CSMD3: variants seen among roughly 807,000 people sequenced by gnomAD.
CSMD3 encodes the protein CUB and Sushi multiple domains 3.
In CSMD3, 177 loss-of-function variants were observed where a neutral mutation model predicts 435.2. That is an observed-to-expected ratio of 0.41 (90% CI 0.36 to 0.46). The LOEUF (loss-of-function observed/expected upper bound fraction) is 0.46. CSMD3 is among the 20% of genes least tolerant of loss of function. The pLI, the probability that CSMD3 is intolerant of heterozygous loss-of-function variation, is 0.34. For synonymous variants in CSMD3, 1,656 were observed against 1,520.5 expected, an observed-to-expected ratio of 1.09 and a Z score of -2.07; for missense variants, 4,265 against 4,504.6, an observed-to-expected ratio of 0.95 and a Z score of 1.52.
At chr8:113,072,318 T>C (rs528232206) in intron 5 of CSMD3, among the ~76,000 whole-genome samples, 10 of 151,884 alleles carry the variant, frequency 6.6e-5, no homozygotes, top group African/African-American at 2.2e-4. Flanking sequence ...GTCAAGGACT[T>C]CCAGTACTTT....
chr8:112,275,836 T>C (rs1252494851), intron 59 of CSMD3, among the ~76,000 whole-genome samples: 3 of 152,156 alleles, frequency 2.0e-5, no homozygotes, highest in Non-Finnish European at 4.4e-5. Flanking sequence ...AAAGATGAGA[T>C]TTGGTTGGGG....
chr8:112,389,663 T>G (rs1830253023), intron 36 of CSMD3, among the ~76,000 whole-genome samples: 1 of 152,240 alleles, frequency 6.6e-6, no homozygotes, highest in Non-Finnish European at 1.5e-5. Flanking sequence ...ATTTCATTAT[T>G]AATGCATGGC....
intron 4 of CSMD3, among the ~76,000 whole-genome samples, chr8:113,128,917 T>C (rs2091213125): frequency 6.6e-6 from 1 of 152,142 alleles, no homozygotes; most frequent in Non-Finnish European, 1.5e-5. Context: ...TTGGGTAGTA[T>C]GATACTTTAT....
intron 10 of CSMD3, among the ~76,000 whole-genome samples, chr8:112,861,754 G>T (rs929776613): frequency 6.6e-6 from 1 of 151,862 alleles, no homozygotes; most frequent in Non-Finnish European, 1.5e-5. Context: ...ATAGAAATGA[G>T]AAATTTATAG....
intron 4 of CSMD3, among the ~76,000 whole-genome samples, chr8:113,119,066 A>T (rs2090915693): frequency 6.6e-6 from 1 of 152,212 alleles, no homozygotes; most frequent in South Asian, 2.1e-4. Context: ...CACTTTTAGT[A>T]TAATTTGAAG....
intron 13 of CSMD3, among the ~76,000 whole-genome samples, chr8:112,695,064 C>A (rs200420379): frequency 1.4e-4 from 22 of 152,174 alleles, no homozygotes; most frequent in African/African-American, 5.1e-4. Context: ...CTGTGACAGA[C>A]GGAACCTGGA....
intron 13 of CSMD3, among the ~76,000 whole-genome samples, chr8:112,798,723 T>C (rs1381805870): frequency 2.6e-5 from 4 of 151,906 alleles, no homozygotes; most frequent in Non-Finnish European, 4.4e-5. Flanking sequence ...ATGTTTCTTG[T>C]TCAAGCATTA....
intron 11 of CSMD3, among the ~76,000 whole-genome samples, chr8:112,840,270 G>C (rs1450024500): frequency 7.9e-5 from 12 of 151,770 alleles, no homozygotes; most frequent in African/African-American, 2.9e-4. Flanking sequence ...GGATTTTGTA[G>C]ATTGCTACGG....
rs185181318 is a variant in CSMD3 at position 113,016,137 on chromosome 8, G to A, written c.1030+2930C>T. ...ATTTAAGTAAGAGATTTCTATTATAGGTAAACTAGGAAGGCAAAAGATGTT... is the reference window on the plus strand; with the variant it reads ...ATTTAAGTAAGAGATTTCTATTATAAGTAAACTAGGAAGGCAAAAGATGTT... On this transcript the variant is annotated intron_variant, in intron 6 of 70. Coordinates refer to ENST00000297405, the MANE Select transcript of CSMD3 (RefSeq NM_198123.2). Among the ~76,000 whole-genome samples the A allele has an allele frequency of 4.9e-4, 74 of 151,734 alleles. 1 individual carries two copies. The highest frequency in any genetic ancestry group is 3.7e-3 in the Admixed American group (57 of 15,208).
intron 40 of CSMD3, among the ~76,000 whole-genome samples, chr8:112,350,500 A>T (rs1826038282): frequency 6.6e-6 from 1 of 152,058 alleles, no homozygotes; most frequent in Admixed American, 6.6e-5. Flanking sequence ...AAATTCATTT[A>T]TTTTATTTCT....
At chr8:112,496,764 T>G (rs10107418) in intron 30 of CSMD3, among the ~76,000 whole-genome samples, 48,676 of 151,490 alleles carry the variant, frequency 0.32, 7,910 homozygotes, top group East Asian at 0.49. Flanking sequence ...ACTCATGGAG[T>G]TAGAGGGTAG....
At chr8:112,715,760 C>T (rs1189368009) in intron 13 of CSMD3, among the ~76,000 whole-genome samples, 3 of 152,168 alleles carry the variant, frequency 2.0e-5, no homozygotes, top group African/African-American at 7.2e-5. Flanking sequence ...GAATGCAACG[C>T]TGGTTCAACA....
chr8:112,291,610 C>T lies in CSMD3; in HGVS notation c.8874G>A (p.Val2958=), dbSNP rs1417048558. 19 of 1,610,250 alleles carry T rather than the reference C, an allele frequency of 1.2e-5. No individual in the cohort carries two copies. Among genetic ancestry groups the T allele is most frequent in the Non-Finnish European group, 1.5e-5 (18 of 1,177,058 alleles). ...ATCCAGGATTGCAGTCATAGAATAC[C>T]ACAGTGCCGTAAGTAAAATTTCCAT... is the stretch of plus-strand genomic sequence containing the variant. The part of the protein sequence containing the change: ...IEHGNFTYGT[V]VFYDCNPGYF... Residue 2958 remains valine, a synonymous_variant, in exon 56 of 71, where the codon GTG becomes GTA. Coordinates refer to ENST00000297405, the MANE Select transcript of CSMD3 (RefSeq NM_198123.2).
intron 14 of CSMD3, among the ~76,000 whole-genome samples, chr8:112,689,426 T>G (rs1192262141): frequency 6.6e-6 from 1 of 152,056 alleles, no homozygotes; most frequent in Non-Finnish European, 1.5e-5. Flanking sequence ...TGGCACCTCA[T>G]GCATTAGTGT....
chr8:112,833,345 A>T, intron 11 of CSMD3, among the ~76,000 whole-genome samples: 1 of 151,838 alleles, frequency 6.6e-6, no homozygotes. Context: ...TTTTTAGTAT[A>T]TTACTTCTTG....
intron 2 of CSMD3, among the ~76,000 whole-genome samples, chr8:113,280,844 A>G (rs907228088): frequency 5.3e-5 from 8 of 151,870 alleles, no homozygotes; most frequent in African/African-American, 1.9e-4. Context: ...AGAGGTTTTG[A>G]TACATCGTAC....
At chr8:113,378,727 G>C (rs891776277) in intron 1 of CSMD3, among the ~76,000 whole-genome samples, 7 of 150,796 alleles carry the variant, frequency 4.6e-5, no homozygotes, top group Non-Finnish European at 1.0e-4. Context: ...GGGAAATTTG[G>C]CAATGGCTGA....
chr8:113,429,465 C>A (rs548266059), intron 1 of CSMD3, among the ~76,000 whole-genome samples: 1 of 151,966 alleles, frequency 6.6e-6, no homozygotes, highest in Non-Finnish European at 1.5e-5. Context: ...ATGAAAAAGT[C>A]AACACACTGA....
chr8:113,027,862 T>G (rs2086933346), intron 5 of CSMD3, among the ~76,000 whole-genome samples: 1 of 152,086 alleles, frequency 6.6e-6, no homozygotes, highest in Non-Finnish European at 1.5e-5. Context: ...CTGGGTTCCT[T>G]TTATCTAGAA....
Sources: gnomAD v4.1 joint callset for allele counts (sites outside exome capture counted in the v4.1 genomes callset) on GRCh38, gnomAD v4.1.1 for gene constraint, MANE v1.5 for transcripts, NCBI Gene and HGNC (gene_info 2026-07-23, HGNC 2026-07-21) for gene names.